NCOA5: variants seen among roughly 807,000 people sequenced by gnomAD.
NCOA5 encodes the protein NCoA-5.
NCOA5 carries 12 observed loss-of-function variants against 59.0 expected under a neutral mutation model. That is an observed-to-expected ratio of 0.20 (90% CI 0.13 to 0.33). The LOEUF (loss-of-function observed/expected upper bound fraction) is 0.33, where lower values mean the gene tolerates loss of function less well. Ranked by LOEUF, NCOA5 falls within the 10% of genes least tolerant of loss-of-function variation. NCOA5 has a pLI of 1.00. For missense variants in NCOA5, 655 were observed against 766.6 expected, an observed-to-expected ratio of 0.85 and a Z score of 1.72; for synonymous variants, 270 against 275.5, an observed-to-expected ratio of 0.98 and a Z score of 0.20.
At chr20:46,066,334 A>C (rs374421418) in intron 5 of NCOA5, among the ~76,000 whole-genome samples, 2 of 152,192 alleles carry the variant, frequency 1.3e-5, no homozygotes, top group African/African-American at 4.8e-5. Context: ...ACAGTTCTGC[A>C]AGGCCATGGT....
At chr20:46,068,774 A>G in intron 3 of NCOA5, 136 bp from the exon 4 acceptor site, 1 of 760,044 alleles carries the variant, frequency 1.3e-6, no homozygotes. Flanking sequence ...TGGCTGTGAT[A>G]GAGTTAACCT....
chr20:46,062,699 A>G lies in NCOA5; in HGVS notation c.1341T>C (p.Asn447=), dbSNP rs371325895. ...CAACCGAGGGGGATGCAGAGCTGCT[A>G]TTGGCCGTCACTGTGCCACTATTGA... ...SLFNSGTVTA[N]SSSASPSVAA... Residue 447 remains asparagine (N), a synonymous_variant, in exon 8 of 8, where the codon AAT becomes AAC. Transcript: ENST00000290231. 2 of 1,614,054 alleles carry G rather than the reference A, an allele frequency of 1.2e-6. No homozygotes were observed. The highest frequency in any genetic ancestry group is 2.2e-5 in the East Asian group (1 of 44,864).
intron 1 of NCOA5, among the ~76,000 whole-genome samples, chr20:46,085,912 T>C (rs963835338): frequency 7.9e-5 from 12 of 152,186 alleles, no homozygotes; most frequent in African/African-American, 2.7e-4. Flanking sequence ...TTCAAAATAT[T>C]GCCCATTTTA....
At chr20:46,067,866 T>C (rs1213151424) in intron 4 of NCOA5, among the ~76,000 whole-genome samples, 2 of 152,052 alleles carry the variant, frequency 1.3e-5, no homozygotes, top group Admixed American at 6.6e-5. Context: ...TAGTCAGTCA[T>C]AGTTACTTGG....
intron 2 of NCOA5, among the ~76,000 whole-genome samples, chr20:46,075,943 C>G (rs2084933703): frequency 6.6e-6 from 1 of 152,180 alleles, no homozygotes; most frequent in Non-Finnish European, 1.5e-5. Context: ...GAATTACACA[C>G]TGACAGCTGG....
At chr20:46,078,084 G>A (rs1323545125) in intron 2 of NCOA5, among the ~76,000 whole-genome samples, 4 of 152,300 alleles carry the variant, frequency 2.6e-5, no homozygotes, top group Admixed American at 1.3e-4. Context: ...GAATCCACAC[G>A]ACAGCTGTGG....
At chr20:46,072,251 A>G (rs1399756546) in intron 2 of NCOA5, among the ~76,000 whole-genome samples, 1 of 152,210 alleles carries the variant, frequency 6.6e-6, no homozygotes, top group Non-Finnish European at 1.5e-5. Flanking sequence ...GCCTCTTTCC[A>G]AATCTTTCTC....
At chr20:46,068,669 A>G in intron 3 of NCOA5, 31 bp from the exon 4 acceptor site, 1 of 1,601,230 alleles carries the variant, frequency 6.2e-7, no homozygotes, top group Non-Finnish European at 8.5e-7. Flanking sequence ...TCATAAAGAT[A>G]AAACTGTGTC....
At position 46,062,641 on chromosome 20, in the gene NCOA5, T is replaced by A. The variant is rs2084779056; in HGVS notation, c.1399A>T (p.Thr467Ser). Residue 467 changes from threonine to serine, a missense_variant, in exon 8 of 8, where the codon ACA becomes TCA. Coordinates refer to ENST00000290231, the MANE Select transcript of NCOA5 (RefSeq NM_020967.3). Reference sequence around the variant, plus strand: ...TGTTGAGGCTGGCTGTTTGCTGCTGTGGAAAAATTCTGGTTTGGGGTGTTT... The same window carrying A: ...TGTTGAGGCTGGCTGTTTGCTGCTGAGGAAAAATTCTGGTTTGGGGTGTTT... ...AGNTPNQNFS[T>S]AANSQPQQRS... The A allele has an allele frequency of 6.2e-7, 1 of 1,614,188 alleles. No individual in the cohort carries two copies. The highest frequency in any genetic ancestry group is 2.2e-5 in the East Asian group (1 of 44,882).
Position 46,062,810 on chromosome 20 carries a change from G to T in NCOA5, c.1230C>A (p.Ser410Arg). The change falls in exon 8 of 8, where the codon AGC (serine) becomes AGA (arginine). Residue 410 changes from serine (S) to arginine (R), a missense_variant. By Grantham distance (110) the Ser-to-Arg change is moderately radical (BLOSUM62 -1). Around this residue, in one of 3 missense-constraint regions of NCOA5, gnomAD observed 325 missense variants for 353.2 expected, o/e 0.92. Transcript: ENST00000290231. ...KTQPSSQPLQ[S>R]GQVLPSATPT... ...GTGTAGCAGAGGGGAGCACTTGGCC[G>T]CTCTGGAGCGGTTGGGAGCTTGGCT... The T allele has an allele frequency of 6.4e-7, 1 of 1,561,080 alleles. No individual in the cohort carries two copies. Among genetic ancestry groups the T allele is most frequent in the Non-Finnish European group, 8.7e-7 (1 of 1,152,310 alleles).
chr20:46,075,753 G>A (rs563101285), intron 2 of NCOA5, among the ~76,000 whole-genome samples: 2 of 152,194 alleles, frequency 1.3e-5, no homozygotes, highest in Non-Finnish European at 2.9e-5. Context: ...TCCTGTCTTT[G>A]AAGAAGGACT....
rs1429949680 is a variant in NCOA5, at chr20:46,061,803, T to G, written c.*497A>C. On this transcript the variant is annotated 3_prime_UTR_variant, in exon 8 of 8. Transcript: ENST00000290231. ...AGACCCCAAACATATGGGGTGAGGGTATGATGACACTGTGCCTGCCAAGGC... is the reference window on the plus strand; with the variant it reads ...AGACCCCAAACATATGGGGTGAGGGGATGATGACACTGTGCCTGCCAAGGC... 2 of 153,732 alleles carry G rather than the reference T, an allele frequency of 1.3e-5. No homozygotes were observed. Among genetic ancestry groups the G allele is most frequent in the African/African-American group, 2.4e-5 (1 of 41,366 alleles). The allele number at this position is 153,732 out of a possible 1,614,324, so 9.5% of individuals were successfully genotyped here.
chr20:46,075,697 G>A (rs1383214041), intron 2 of NCOA5, among the ~76,000 whole-genome samples: 1 of 152,232 alleles, frequency 6.6e-6, no homozygotes, highest in East Asian at 1.9e-4. Flanking sequence ...AAGGTGTTGA[G>A]CTGAAGATGG....
chr20:46,077,249 A>G (rs1358893276), intron 2 of NCOA5, among the ~76,000 whole-genome samples: 1 of 152,112 alleles, frequency 6.6e-6, no homozygotes, highest in African/African-American at 2.4e-5. Flanking sequence ...TGCTGTCTGT[A>G]TGTTTGTTTG....
intron 1 of NCOA5, among the ~76,000 whole-genome samples, chr20:46,083,349 A>G (rs1265958325): frequency 6.6e-6 from 1 of 152,240 alleles, no homozygotes; most frequent in Non-Finnish European, 1.5e-5. Context: ...TCACAAGAAA[A>G]GTAACTCTGA....
intron 1 of NCOA5, among the ~76,000 whole-genome samples, chr20:46,084,993 A>C (rs1389063831): frequency 6.6e-6 from 1 of 152,192 alleles, no homozygotes; most frequent in African/African-American, 2.4e-5. Context: ...CAGGCCTTAC[A>C]CATGTGGAAA....
intron 3 of NCOA5, among the ~76,000 whole-genome samples, chr20:46,069,581 A>T (rs182320588): frequency 5.2e-4 from 79 of 152,308 alleles, no homozygotes; most frequent in Non-Finnish European, 9.7e-4. Flanking sequence ...ATACAAAAAA[A>T]TTAGCCAGGT....
chr20:46,083,685 C>T (rs1600633808), intron 1 of NCOA5, among the ~76,000 whole-genome samples: 1 of 152,170 alleles, frequency 6.6e-6, no homozygotes, highest in Non-Finnish European at 1.5e-5. Flanking sequence ...TGAAAACCAA[C>T]TAACAATCAA....
At chr20:46,073,136 T>C (rs2084902498) in intron 2 of NCOA5, among the ~76,000 whole-genome samples, 1 of 152,222 alleles carries the variant, frequency 6.6e-6, no homozygotes, top group Non-Finnish European at 1.5e-5. Flanking sequence ...TACTAAACTG[T>C]AAGCCTCTCA....
Sources: allele counts gnomAD v4.1 joint callset (sites outside exome capture counted in the v4.1 genomes callset), GRCh38; gene constraint gnomAD v4.1.1; regional missense constraint gnomAD v4.1.1; transcripts MANE v1.5; gene names NCBI Gene and HGNC (gene_info 2026-07-23, HGNC 2026-07-21).